The following DHX32 variants were observed in gnomAD, a reference collection of about 807,000 sequenced individuals.
DHX32 encodes putative pre-mRNA-splicing factor ATP-dependent RNA helicase DHX32.
In DHX32, 51 loss-of-function variants were observed where a neutral mutation model predicts 70.0. The observed-to-expected ratio is 0.73, with a 90% CI of 0.58 to 0.92. The LOEUF is 0.92. Ranked by LOEUF, DHX32 falls within the 40% of genes least tolerant of loss-of-function variation. The probability of loss-of-function intolerance (pLI) is 0.00; values close to 1 mark genes in which losing one functional copy is unlikely to be tolerated. For synonymous variants in DHX32, 310 were observed against 315.3 expected (o/e 0.98, Z 0.18); for missense variants, 762 against 891.8 (o/e 0.85, Z 1.85).
At chr10:125,879,006 C>G (rs1179861871) in intron 1 of DHX32, among the ~76,000 whole-genome samples, 1 of 145,666 alleles carries the variant, frequency 6.9e-6, no homozygotes, top group African/African-American at 2.5e-5. Flanking sequence ...CAGCGCCCAG[C>G]CTTTTCTTGT....
chr10:125,847,957 G>C (rs561483790), intron 6 of DHX32, among the ~76,000 whole-genome samples: 3 of 152,288 alleles, frequency 2.0e-5, no homozygotes, highest in South Asian at 4.1e-4. Context: ...CCTGCTGTCC[G>C]GCCCAGTTCC....
Position 125,888,202 on chromosome 10 carries a change from A to ATT in DHX32, c.-247-7133_-247-7132dup, listed in dbSNP as rs36204414. Reference sequence around the variant, plus strand: ...TCAACATTATCTGTTTGAGCAATGCATTTTTTTTTTTTTTTTTTAAAGACA... The same window carrying ATT: ...TCAACATTATCTGTTTGAGCAATGCATTTTTTTTTTTTTTTTTTTTAAAGACA... On this transcript the variant is annotated intron_variant, in intron 1 of 2. Transcript: ENST00000415732. Among the ~76,000 whole-genome samples, 1,077 of 132,828 alleles carry ATT rather than the reference A, an allele frequency of 8.1e-3. 13 individuals carry two copies. Among genetic ancestry groups the ATT allele is most frequent in the African/African-American group, 0.029 (983 of 34,220 alleles). 87.1% of individuals were successfully genotyped at this position (132,828 alleles called of 152,430 possible).
Position 125,860,082 on chromosome 10 carries a change from C to G in DHX32, c.477-107G>C. 4 of 1,098,128 alleles carry G rather than the reference C, an allele frequency of 3.6e-6. No individual in the cohort carries two copies. The East Asian group carries it at 1.1e-4, about 30-fold the overall frequency. 68.0% of individuals were successfully genotyped at this position (1,098,128 alleles called of 1,614,324 possible). ...TATATTCATTTCTCTAAATCAGTAACTCTAAATTTTTACTGGGGCCAAAAT... is the reference window on the plus strand; with the variant it reads ...TATATTCATTTCTCTAAATCAGTAAGTCTAAATTTTTACTGGGGCCAAAAT... On this transcript the variant is annotated intron_variant, in intron 2 of 10. Coordinates refer to ENST00000284690, the MANE Select transcript of DHX32 (RefSeq NM_018180.3).
chr10:125,890,900 G>A (rs1944366857), intron 1 of DHX32, among the ~76,000 whole-genome samples: 1 of 151,894 alleles, frequency 6.6e-6, no homozygotes, highest in East Asian at 1.9e-4. Context: ...GTGAGACCCC[G>A]TCTCACTTAA....
At chr10:125,845,017 C>G (rs564296286) in intron 6 of DHX32, among the ~76,000 whole-genome samples, 16 of 152,184 alleles carry the variant, frequency 1.1e-4, no homozygotes, top group Non-Finnish European at 2.1e-4. Flanking sequence ...TATGTGCCTG[C>G]ATTTTCCTTC....
chr10:125,882,691 C>T (rs2366052), upstream of DHX32, among the ~76,000 whole-genome samples: 13,134 of 152,118 alleles, frequency 0.086, 720 homozygotes, highest in South Asian at 0.22. Flanking sequence ...AATGGAATTA[C>T]AAAGGCATAA....
intron 6 of DHX32, among the ~76,000 whole-genome samples, chr10:125,844,376 A>G (rs1013704206): frequency 6.6e-6 from 1 of 152,268 alleles, no homozygotes; most frequent in Non-Finnish European, 1.5e-5. Context: ...CTGGCTTGAC[A>G]GCCAGGCTCT....
In DHX32 at chr10:125,836,637, G is replaced by C; in HGVS notation, c.*50C>G. 1 of 1,589,522 alleles carries C rather than the reference G, an allele frequency of 6.3e-7. No individual in the cohort carries two copies. The highest frequency in any genetic ancestry group is 8.6e-7 in the Non-Finnish European group (1 of 1,165,906). On this transcript the variant is annotated 3_prime_UTR_variant, in exon 11 of 11. Coordinates refer to ENST00000284690, the MANE Select transcript of DHX32 (RefSeq NM_018180.3). ...TGTATCTCCCATATCCAGCAGTTCA[G>C]CCATCCAGCTACCTTTGGGACCCTG...
chr10:125,875,715 G>T (rs1167018042), intron 1 of DHX32, among the ~76,000 whole-genome samples: 1 of 152,220 alleles, frequency 6.6e-6, no homozygotes, highest in Non-Finnish European at 1.5e-5. Flanking sequence ...TGCAGAAATT[G>T]TAACAGTGAG....
At chr10:125,878,117 A>G (rs1286245311) in intron 1 of DHX32, among the ~76,000 whole-genome samples, 1 of 152,226 alleles carries the variant, frequency 6.6e-6, no homozygotes, top group Non-Finnish European at 1.5e-5. Flanking sequence ...AATAATAAGT[A>G]TTTATTAACT....
At chr10:125,876,663 A>C (rs574222801) in intron 1 of DHX32, among the ~76,000 whole-genome samples, 13 of 152,340 alleles carry the variant, frequency 8.5e-5, no homozygotes, top group African/African-American at 3.1e-4. Context: ...ACATGTTCAA[A>C]CTGAGGGAGG....
chr10:125,847,927 C>T (rs536166204), intron 6 of DHX32, among the ~76,000 whole-genome samples: 5 of 152,162 alleles, frequency 3.3e-5, no homozygotes, highest in East Asian at 3.8e-4. Context: ...CAGTAATGCT[C>T]GCTTGCCCCC....
At chr10:125,859,021 GTTTT>G (rs574242863) in intron 3 of DHX32, among the ~76,000 whole-genome samples, 341 of 139,662 alleles carry the variant, frequency 2.4e-3, no homozygotes, top group Non-Finnish European at 3.9e-3. Flanking sequence ...TGAGTTAAAG[GTTTT>G]TTTTTTTGTT....
chr10:125,869,336 G>A (rs184987872), intron 1 of DHX32: 1 of 152,138 alleles, frequency 6.6e-6, no homozygotes, highest in Non-Finnish European at 1.5e-5. Flanking sequence ...AGCAATTTGG[G>A]AGGCCAAGGC....
At position 125,867,123 on chromosome 10, in the gene DHX32, A is replaced by C. The variant is rs1944225229; in HGVS notation, c.343T>G (p.Cys115Gly). The C allele has an allele frequency of 6.2e-7, 1 of 1,614,216 alleles. No individual in the cohort carries two copies. Among genetic ancestry groups the C allele is most frequent in the Non-Finnish European group, 8.5e-7 (1 of 1,180,032 alleles). The change falls in exon 2 of 11, where the codon TGC (cysteine) becomes GGC (glycine). Residue 115 changes from cysteine (C) to glycine (G), a missense_variant. By Grantham distance (159) the Cys-to-Gly change is radical. Around this residue, in one of 3 missense-constraint regions of DHX32, gnomAD observed 394 missense variants for 473.1 expected, o/e 0.83. Transcript: ENST00000284690. ...ACAGTCTGCTTGTGGACCTGTGTGC[A>C]TATCACGCCCCCGTGCTGGTAGTGG... ...SIHYQHGGVI[C>G]TQVHKQTVVQ...
intron 6 of DHX32, among the ~76,000 whole-genome samples, chr10:125,850,222 C>T (rs892335383): frequency 6.6e-6 from 1 of 151,940 alleles, no homozygotes; most frequent in South Asian, 2.1e-4. Context: ...AAGCAGTTCT[C>T]CCACCTCAGC....
chr10:125,858,018 G>C (rs1307996097), intron 3 of DHX32, among the ~76,000 whole-genome samples: 2 of 151,362 alleles, frequency 1.3e-5, no homozygotes, highest in African/African-American at 4.9e-5. Flanking sequence ...TCCCACCTCA[G>C]CTTCCTGAGT....
chr10:125,857,248 G>T (rs1944154416), intron 3 of DHX32, among the ~76,000 whole-genome samples: 1 of 152,228 alleles, frequency 6.6e-6, no homozygotes. Flanking sequence ...ATGGTGTTCT[G>T]CTTGTTAGGC....
chr10:125,848,273 C>G (rs534563078), intron 6 of DHX32, among the ~76,000 whole-genome samples: 1 of 152,164 alleles, frequency 6.6e-6, no homozygotes, highest in Non-Finnish European at 1.5e-5. Flanking sequence ...GGAAAGGCTT[C>G]TGCTTCACTT....
Sources: gnomAD v4.1 joint callset for allele counts (sites outside exome capture counted in the v4.1 genomes callset) on GRCh38, gnomAD v4.1.1 for gene constraint, gnomAD v4.1.1 regional missense constraint, MANE v1.5 for transcripts, NCBI Gene and HGNC (gene_info 2026-07-23, HGNC 2026-07-21) for gene names.